Variants in ARMC9 observed in about 807,000 individuals in gnomAD.
The protein encoded by ARMC9 is armadillo repeat containing 9.
Under a neutral mutation model 107.0 loss-of-function variants are expected in ARMC9, and 94 were observed. That is an observed-to-expected ratio of 0.88 (90% CI 0.74 to 1.04). The LOEUF (loss-of-function observed/expected upper bound fraction) is 1.04, where lower values mean the gene tolerates loss of function less well. ARMC9 is among the 50% of genes least tolerant of loss of function. The probability of loss-of-function intolerance (pLI) is 0.00; values close to 1 mark genes in which losing one functional copy is unlikely to be tolerated. For missense variants in ARMC9, 942 were observed against 1,030.1 expected, an observed-to-expected ratio of 0.91 and a Z score of 1.17; for synonymous variants, 380 against 396.9, an observed-to-expected ratio of 0.96 and a Z score of 0.51.
At chr2:231,329,552 G>A (rs1381759206) in intron 19 of ARMC9, among the ~76,000 whole-genome samples, 3 of 151,072 alleles carry the variant, frequency 2.0e-5, no homozygotes, top group East Asian at 2.0e-4. Context: ...CAGGTGATCC[G>A]CCCATCTCAG....
chr2:231,256,256 G>A, intron 9 of ARMC9: 1 of 1,549,134 alleles, frequency 6.5e-7, no homozygotes, highest in Admixed American at 2.0e-5. Context: ...GCGCGAGGGC[G>A]ACGTGCTCAC....
At chr2:231,256,166 C>G in intron 9 of ARMC9, 1 of 1,534,796 alleles carries the variant, frequency 6.5e-7, no homozygotes, top group Non-Finnish European at 8.8e-7. Flanking sequence ...GACCGGCTCT[C>G]AGGGACAGTG....
rs1371981651 is a variant in ARMC9 at position 231,360,540 on chromosome 2, G to A, written c.2132-214G>A. Among the ~76,000 whole-genome samples the A allele has an allele frequency of 6.6e-6, 1 of 152,158 alleles. No individual in the cohort carries two copies. The highest frequency in any genetic ancestry group is 1.5e-5 in the Non-Finnish European group (1 of 68,012). On this transcript the variant is annotated intron_variant, in intron 22 of 24. Coordinates refer to ENST00000611582, the MANE Select transcript of ARMC9 (RefSeq NM_001352754.2). This position sits in a 1 kb window ranked among gnomAD's most constrained non-coding sequence, Gnocchi z 4.7. Reference sequence around the variant, plus strand: ...ATCTGAACCTCCCTGGGCTGTGCCTGTCACCACCAGCAGTGTGCCTGCCAT... The same window carrying A: ...ATCTGAACCTCCCTGGGCTGTGCCTATCACCACCAGCAGTGTGCCTGCCAT...
chr2:231,235,811 T>C (rs2035656597), intron 8 of ARMC9, among the ~76,000 whole-genome samples: 1 of 152,128 alleles, frequency 6.6e-6, no homozygotes, highest in Non-Finnish European at 1.5e-5. Context: ...CCCAGTTAAT[T>C]TTGCATTTTT....
At chr2:231,339,536 A>T (rs566522945) in intron 20 of ARMC9, among the ~76,000 whole-genome samples, 11 of 152,290 alleles carry the variant, frequency 7.2e-5, no homozygotes, top group Admixed American at 6.5e-4. Context: ...GGGTGGCATT[A>T]AGCAATCCTC....
At chr2:231,339,368 A>T (rs2044352280) in intron 20 of ARMC9, among the ~76,000 whole-genome samples, 1 of 152,204 alleles carries the variant, frequency 6.6e-6, no homozygotes, top group African/African-American at 2.4e-5. Context: ...TAAAAGACAA[A>T]AATTTAAATC....
chr2:231,266,083 T>C (rs1396508885), intron 12 of ARMC9, among the ~76,000 whole-genome samples: 1 of 152,090 alleles, frequency 6.6e-6, no homozygotes, highest in East Asian at 1.9e-4. Context: ...TTGTCCAACA[T>C]GGATGCTGTG....
rs2033541905 is a variant in ARMC9 at position 231,216,711 on chromosome 2, A to G, written c.422A>G (p.Gln141Arg). Residue 141 changes from glutamine to arginine, a missense_variant, in exon 5 of 25, where the codon CAG becomes CGG. Gln to Arg is a conservative substitution (Grantham distance 43, BLOSUM62 1). Coordinates refer to ENST00000611582, the MANE Select transcript of ARMC9 (RefSeq NM_001352754.2). ...YLETKGAALS[Q>R]TTEFLPFYAL... ...GAGACCAAAGGGGCAGCCTTGAGCCAGACCACAGAGTTTCTTCCTTTCTAT... is the reference window on the plus strand; with the variant it reads ...GAGACCAAAGGGGCAGCCTTGAGCCGGACCACAGAGTTTCTTCCTTTCTAT... 6.2e-7 allele frequency: 1 copy of G among 1,614,052 alleles called. No homozygotes were observed. The highest frequency in any genetic ancestry group is 1.3e-5 in the African/African-American group (1 of 75,050).
At chr2:231,311,316 C>T (rs928015854) in intron 19 of ARMC9, among the ~76,000 whole-genome samples, 1 of 151,926 alleles carries the variant, frequency 6.6e-6, no homozygotes, top group Non-Finnish European at 1.5e-5. Flanking sequence ...CTGCTATTCA[C>T]ACTACCTTTT....
At chr2:231,204,250 A>G (rs1476252277) in intron 1 of ARMC9, among the ~76,000 whole-genome samples, 2 of 150,070 alleles carry the variant, frequency 1.3e-5, no homozygotes. Context: ...GCCTCCTGTT[A>G]CTGTCAGCCT....
chr2:231,224,693 A>G (rs1007201980), intron 6 of ARMC9, among the ~76,000 whole-genome samples: 9 of 152,244 alleles, frequency 5.9e-5, no homozygotes, highest in Non-Finnish European at 7.3e-5. Context: ...TCCTTGTTAC[A>G]TGAAAATACT....
intron 9 of ARMC9, chr2:231,256,013 C>T: frequency 4.5e-6 from 6 of 1,344,038 alleles, no homozygotes; most frequent in Non-Finnish European, 6.0e-6. Flanking sequence ...GCTCTCCAGC[C>T]TGGGTGACAG....
At chr2:231,288,931 A>T (rs1236539412) in intron 17 of ARMC9, among the ~76,000 whole-genome samples, 1 of 152,220 alleles carries the variant, frequency 6.6e-6, no homozygotes, top group Non-Finnish European at 1.5e-5. Context: ...CTTTAATGAT[A>T]GCTAGCTGGA....
chr2:231,355,067 A>G (rs1016875741), intron 21 of ARMC9, among the ~76,000 whole-genome samples: 1 of 152,170 alleles, frequency 6.6e-6, no homozygotes, highest in African/African-American at 2.4e-5. Context: ...GGCCAGTCAC[A>G]GTGGCTCACA....
chr2:231,201,338 A>G (rs2030918257), intron 1 of ARMC9, among the ~76,000 whole-genome samples: 2 of 152,164 alleles, frequency 1.3e-5, no homozygotes, highest in Admixed American at 1.3e-4. Context: ...GCCACTTCCC[A>G]GGGCAAGTCT....
chr2:231,250,292 G>A (rs2037178615), intron 9 of ARMC9, among the ~76,000 whole-genome samples: 1 of 152,190 alleles, frequency 6.6e-6, no homozygotes, highest in Non-Finnish European at 1.5e-5. Context: ...GATTGTTGAT[G>A]TCTTTGTTGT....
At chr2:231,344,698 T>C (rs570139312) in intron 20 of ARMC9, among the ~76,000 whole-genome samples, 1 of 152,336 alleles carries the variant, frequency 6.6e-6, no homozygotes, top group South Asian at 2.1e-4. Flanking sequence ...AGAGATGTGA[T>C]GAGTTCCAGT....
At chr2:231,237,175 C>CGTGTGTGTAT (rs1553601759) in intron 8 of ARMC9, among the ~76,000 whole-genome samples, 1 of 148,698 alleles carries the variant, frequency 6.7e-6, no homozygotes, top group African/African-American at 2.5e-5. Context: ...TCTGCGTATG[C>CGTGTGTGTAT]GTGTGTGTGT....
chr2:231,333,459 C>T (rs35718630), intron 20 of ARMC9, among the ~76,000 whole-genome samples: 6,402 of 152,276 alleles, frequency 0.042, 180 homozygotes, highest in Non-Finnish European at 0.066. Flanking sequence ...TTCCTTAGAA[C>T]ATCTCAAGGA....
Sources: gnomAD v4.1 joint callset for allele counts (sites outside exome capture counted in the v4.1 genomes callset) on GRCh38, gnomAD v4.1.1 for gene constraint, Gnocchi (gnomAD v3.1) non-coding constraint, MANE v1.5 for transcripts, NCBI Gene and HGNC (gene_info 2026-07-23, HGNC 2026-07-21) for gene names.